Variants in GNG2 observed in about 807,000 individuals in gnomAD.
The protein encoded by GNG2 is G protein subunit gamma 2.
GNG2 carries 5 observed loss-of-function variants against 5.5 expected under a neutral mutation model. That is an observed-to-expected ratio of 0.91 (90% confidence interval 0.48 to 1.92). The LOEUF is 1.92. Ranked by LOEUF, GNG2 falls within the 30% of genes most tolerant of loss-of-function variation. The pLI, the probability that GNG2 is intolerant of heterozygous loss-of-function variation, is 0.01. For missense variants in GNG2, 55 were observed against 88.4 expected (o/e 0.62, Z 1.52); for synonymous variants, 28 against 32.0 (o/e 0.88, Z 0.42).
chr14:51,860,903 G>A (rs746301296), intron 1 of GNG2, 113 bp downstream of exon 1: 4 of 152,206 alleles, frequency 2.6e-5, no homozygotes, highest in Non-Finnish European at 5.9e-5. Context: ...CAGGACTAGG[G>A]GAAATGATTA....
intron 3 of GNG2, chr14:51,952,144 A>G (rs1196253166): frequency 2.1e-6 from 1 of 466,738 alleles, no homozygotes; most frequent in Non-Finnish European, 3.8e-6. Flanking sequence ...TATGTGCTAG[A>G]GAGTGAAGAG....
intron 2 of GNG2, among the ~76,000 whole-genome samples, chr14:51,923,455 A>G (rs1887133920): frequency 6.6e-6 from 1 of 152,084 alleles, no homozygotes; most frequent in African/African-American, 2.4e-5. Flanking sequence ...ATATATATAT[A>G]TACATGTTTA....
chr14:51,834,617 G>C (rs541796178), intron 2 of GNG2, among the ~76,000 whole-genome samples: 2 of 152,320 alleles, frequency 1.3e-5, no homozygotes, highest in Admixed American at 1.3e-4. Flanking sequence ...GGTAAGGATA[G>C]GCACTTGCCC....
intron 2 of GNG2, among the ~76,000 whole-genome samples, chr14:51,938,540 A>G (rs1460355765): frequency 1.3e-5 from 2 of 152,228 alleles, no homozygotes; most frequent in African/African-American, 4.8e-5. Flanking sequence ...AGGCCCAAAA[A>G]GATGAAATCA....
At chr14:51,869,210 A>G (rs1200970702) in intron 1 of GNG2, among the ~76,000 whole-genome samples, 2 of 152,228 alleles carry the variant, frequency 1.3e-5, no homozygotes, top group African/African-American at 4.8e-5. Context: ...AAATAACCCT[A>G]CGAAATAAGG....
chr14:51,945,947 T>G (rs1888620073), intron 2 of GNG2, among the ~76,000 whole-genome samples: 1 of 152,212 alleles, frequency 6.6e-6, no homozygotes. Flanking sequence ...TTTGCAATAG[T>G]TGGCTTTATA....
At chr14:51,946,122 G>A (rs908190510) in intron 2 of GNG2, among the ~76,000 whole-genome samples, 3 of 152,086 alleles carry the variant, frequency 2.0e-5, no homozygotes, top group Non-Finnish European at 4.4e-5. Context: ...GTAATGTTTC[G>A]TTTGCTTGAC....
intron 2 of GNG2, among the ~76,000 whole-genome samples, chr14:51,837,272 G>A (rs1248500591): frequency 1.3e-5 from 2 of 152,144 alleles, no homozygotes; most frequent in African/African-American, 4.8e-5. Context: ...AAAAAAGTTG[G>A]GATGAGAATA....
At chr14:51,929,700 A>T (rs536344290) in intron 2 of GNG2, among the ~76,000 whole-genome samples, 45 of 152,152 alleles carry the variant, frequency 3.0e-4, no homozygotes, top group Non-Finnish European at 5.0e-4. Flanking sequence ...TATTTTTTTA[A>T]GGATGAAATA....
At position 51,841,587 on chromosome 14, in the gene GNG2, AAGTCCAC is replaced by A. The variant is rs1881484057; in HGVS notation, c.64+13784_64+13790del. ...TTTGAACCCAGGTAATCTGGCTTTG[AAGTCCAC>A]AGTAATATTTCAACAGAACCATTAA... On this transcript the variant is annotated intron_variant, in intron 2 of 3. Transcript: ENST00000553432. The A allele has an allele frequency of 4.3e-6, 3 of 700,916 alleles. No homozygotes were observed. The Admixed American group carries it at 6.0e-5, about 14-fold the overall frequency. 43.4% of individuals were successfully genotyped at this position (700,916 alleles called of 1,614,324 possible).
intron 2 of GNG2, among the ~76,000 whole-genome samples, chr14:51,882,402 A>G (rs1005407717): frequency 6.6e-6 from 1 of 152,234 alleles, no homozygotes; most frequent in Non-Finnish European, 1.5e-5. Context: ...TTAAATTTCT[A>G]CACCAAAATT....
At chr14:51,893,898 G>A (rs775885999) in intron 2 of GNG2, among the ~76,000 whole-genome samples, 1 of 151,896 alleles carries the variant, frequency 6.6e-6, no homozygotes, top group Non-Finnish European at 1.5e-5. Context: ...ACATATACTT[G>A]GATCAATTTG....
intron 3 of GNG2, among the ~76,000 whole-genome samples, chr14:51,956,730 G>A (rs57483774): frequency 0.066 from 10,100 of 152,174 alleles, 896 homozygotes; most frequent in East Asian, 0.38. Flanking sequence ...GCAATTTCCC[G>A]TGTGTATAGG....
chr14:51,911,307 A>G (rs1301149815), intron 2 of GNG2, among the ~76,000 whole-genome samples: 1 of 152,206 alleles, frequency 6.6e-6, no homozygotes, highest in African/African-American at 2.4e-5. Flanking sequence ...GTTACGGGGT[A>G]GGGAAGGGAA....
At chr14:51,885,309 G>A (rs59782835) in intron 2 of GNG2, among the ~76,000 whole-genome samples, 8,208 of 152,204 alleles carry the variant, frequency 0.054, 471 homozygotes, top group East Asian at 0.24. Context: ...CACAAATGTA[G>A]GATGGTATTC....
chr14:51,855,114 CAT>C (rs1436527421), intron 2 of GNG2, among the ~76,000 whole-genome samples: 11 of 152,190 alleles, frequency 7.2e-5, no homozygotes, highest in Admixed American at 1.3e-4. Flanking sequence ...GCAACACACA[CAT>C]GTATACATAT....
chr14:51,927,085 A>T (rs1887375348), intron 2 of GNG2, among the ~76,000 whole-genome samples: 1 of 152,240 alleles, frequency 6.6e-6, no homozygotes, highest in South Asian at 2.1e-4. Context: ...ATTTAGTAGT[A>T]CTAAAATTCT....
intron 2 of GNG2, among the ~76,000 whole-genome samples, chr14:51,946,923 T>G (rs1566706553): frequency 6.6e-6 from 1 of 152,014 alleles, no homozygotes; most frequent in Non-Finnish European, 1.5e-5. Flanking sequence ...TTACGAGAAA[T>G]CAGCTGGATG....
At chr14:51,941,157 A>T (rs1888299099) in intron 2 of GNG2, among the ~76,000 whole-genome samples, 1 of 152,182 alleles carries the variant, frequency 6.6e-6, no homozygotes, top group South Asian at 2.1e-4. Context: ...AATTAGAGTA[A>T]GGATCAAAAA....
Sources: gnomAD v4.1 joint callset for allele counts (sites outside exome capture counted in the v4.1 genomes callset) on GRCh38, gnomAD v4.1.1 for gene constraint, MANE v1.5 for transcripts, NCBI Gene and HGNC (gene_info 2026-07-23, HGNC 2026-07-21) for gene names.